Variants in DDR2 observed in about 807,000 individuals in gnomAD.
The protein encoded by DDR2 is discoidin domain receptor tyrosine kinase 2.
A neutral mutation model predicts 94.9 loss-of-function variants in DDR2; 27 were observed. The ratio of observed to expected loss-of-function variants is 0.28; its 90% CI spans 0.21 to 0.39. The LOEUF (loss-of-function observed/expected upper bound fraction) is 0.39. Ranked by LOEUF, DDR2 falls within the 10% of genes least tolerant of loss-of-function variation. The pLI, the probability that DDR2 is intolerant of heterozygous loss-of-function variation, is 1.00. For synonymous variants in DDR2, 382 were observed against 377.2 expected (o/e 1.01, Z -0.15); for missense variants, 783 against 1,076.0 (o/e 0.73, Z 3.81).
At chr1:162,648,777 C>T (rs931892653) in intron 1 of DDR2, among the ~76,000 whole-genome samples, 1 of 152,128 alleles carries the variant, frequency 6.6e-6, no homozygotes, top group Admixed American at 6.5e-5. Context: ...GTGGCAAAGG[C>T]AGCGTGGAAC....
At chr1:162,779,381 C>T (rs937036883) in intron 17 of DDR2, among the ~76,000 whole-genome samples, 15 of 152,256 alleles carry the variant, frequency 9.9e-5, no homozygotes, top group Admixed American at 7.8e-4. Flanking sequence ...AACTACAGCA[C>T]CGCACTTCCC....
intron 1 of DDR2, among the ~76,000 whole-genome samples, chr1:162,654,945 AATT>A (rs1558007842): frequency 1.3e-5 from 2 of 152,236 alleles, no homozygotes; most frequent in African/African-American, 2.4e-5. Context: ...TTTTTATAAC[AATT>A]ATTATTCAAC....
chr1:162,716,609 A>G (rs1477340972), intron 2 of DDR2, among the ~76,000 whole-genome samples: 1 of 152,094 alleles, frequency 6.6e-6, no homozygotes, highest in African/African-American at 2.4e-5. Flanking sequence ...GTTGTAGATC[A>G]CATACCCCTC....
intron 3 of DDR2, among the ~76,000 whole-genome samples, chr1:162,729,868 C>G (rs994781593): frequency 6.6e-6 from 1 of 151,732 alleles, no homozygotes; most frequent in South Asian, 2.1e-4. Context: ...CTCAGCCTCT[C>G]GAGTAGCTGG....
chr1:162,773,647 C>G (rs761574240), intron 14 of DDR2, 51 bp downstream of exon 14: 1 of 1,609,472 alleles, frequency 6.2e-7, no homozygotes, highest in African/African-American at 1.3e-5. Context: ...TCTTTAGGAC[C>G]AGGAATACTC....
intron 2 of DDR2, among the ~76,000 whole-genome samples, chr1:162,697,149 C>T (rs535273274): frequency 3.9e-5 from 6 of 152,208 alleles, no homozygotes; most frequent in African/African-American, 1.4e-4. Flanking sequence ...AACTTTTTCT[C>T]TGTTAATCTT....
chr1:162,642,645 A>T (rs1218790337), intron 1 of DDR2, among the ~76,000 whole-genome samples: 1 of 152,056 alleles, frequency 6.6e-6, no homozygotes, highest in Non-Finnish European at 1.5e-5. Flanking sequence ...AGGGTTTCAG[A>T]ATACTACCCC....
At position 162,748,222 on chromosome 1, in the gene DDR2, C is replaced by T. The variant is rs144551351; in HGVS notation, c.83-4873C>T. Among the ~76,000 whole-genome samples, 1,444 of 152,256 alleles carry T rather than the reference C, an allele frequency of 9.5e-3. 21 individuals carry two copies. Among genetic ancestry groups the T allele is most frequent in the African/African-American group, 0.033 (1,379 of 41,536 alleles). Reference sequence around the variant, plus strand: ...CAGACTGGCAAGTTGGATAAAGAGTCAAGACCCATCAGTGTGCTGTATTCA... The same window carrying T: ...CAGACTGGCAAGTTGGATAAAGAGTTAAGACCCATCAGTGTGCTGTATTCA... On this transcript the variant is annotated intron_variant, in intron 3 of 17. Coordinates refer to ENST00000367921, the MANE Select transcript of DDR2 (RefSeq NM_006182.4).
At chr1:162,653,975 T>C (rs6689095) in intron 1 of DDR2, among the ~76,000 whole-genome samples, 139,258 of 152,200 alleles carry the variant, frequency 0.91, 64,296 homozygotes, top group Middle Eastern at 0.98. Context: ...CTGAACACTG[T>C]GGCACTGTAT....
intron 2 of DDR2, among the ~76,000 whole-genome samples, chr1:162,712,776 T>A (rs976450340): frequency 6.6e-6 from 1 of 152,212 alleles, no homozygotes; most frequent in African/African-American, 2.4e-5. Context: ...TATTGGGCTG[T>A]GGTCCTAGAA....
chr1:162,727,681 G>A (rs142084314), intron 3 of DDR2, among the ~76,000 whole-genome samples: 24 of 147,648 alleles, frequency 1.6e-4, no homozygotes, highest in African/African-American at 4.9e-4. Flanking sequence ...TGGTCATGAC[G>A]ACACAACAGA....
intron 2 of DDR2, among the ~76,000 whole-genome samples, chr1:162,703,446 A>G (rs1660519379): frequency 6.6e-6 from 1 of 152,184 alleles, no homozygotes; most frequent in South Asian, 2.1e-4. Context: ...ATGGAAGATG[A>G]GAAGAGGGTG....
intron 3 of DDR2, chr1:162,741,625 A>C (rs978566737): frequency 2.0e-6 from 2 of 985,422 alleles, no homozygotes. Context: ...TACAGTCAAA[A>C]GATCCAGGAA....
intron 1 of DDR2, among the ~76,000 whole-genome samples, chr1:162,647,108 T>C (rs1376992279): frequency 1.3e-5 from 2 of 152,176 alleles, no homozygotes; most frequent in African/African-American, 2.4e-5. Context: ...TATCACTTAA[T>C]ATACTCGGTC....
rs562856701 is a variant in DDR2 at position 162,781,536 on chromosome 1, A to C, written c.*1290A>C. The C allele has an allele frequency of 6.6e-6, 1 of 152,366 alleles. No individual in the cohort carries two copies. Among genetic ancestry groups the C allele is most frequent in the African/African-American group, 2.4e-5 (1 of 41,568 alleles). 9.4% of individuals were successfully genotyped at this position (152,366 alleles called of 1,614,324 possible). A position where few individuals can be genotyped will look rare whatever the true frequency, so the allele number is the denominator to read the frequency against. On this transcript the variant is annotated 3_prime_UTR_variant, in exon 18 of 18. Coordinates refer to ENST00000367921, the MANE Select transcript of DDR2 (RefSeq NM_006182.4). The stretch of plus-strand genomic sequence containing the variant: ...ATGGAGGTTTTCAAACACAAAGTGG[A>C]TGGTGGTATGAGACAATGTTTAATG...
chr1:162,652,400 C>G (rs61810413), intron 1 of DDR2, among the ~76,000 whole-genome samples: 1 of 152,100 alleles, frequency 6.6e-6, no homozygotes, highest in African/African-American at 2.4e-5. Flanking sequence ...AAAGCAGACT[C>G]GTGCTTCTCA....
At chr1:162,668,362 G>T (rs1658680724) in intron 2 of DDR2, among the ~76,000 whole-genome samples, 1 of 152,148 alleles carries the variant, frequency 6.6e-6, no homozygotes, top group African/African-American at 2.4e-5. Flanking sequence ...TGAAGAAAAG[G>T]AATAATGGAT....
chr1:162,770,467 C>T lies in DDR2; in HGVS notation c.1459C>T (p.Leu487=). 6.2e-7 allele frequency: 1 copy of T among 1,614,106 alleles called. No homozygotes were observed. The highest frequency in any genetic ancestry group is 8.5e-7 in the Non-Finnish European group (1 of 1,180,032). Residue 487 remains leucine, a synonymous_variant, in exon 12 of 18, where the codon CTG becomes TTG. Transcript: ENST00000367921. Reference sequence around the variant, plus strand: ...CCCTGACTACCAGGAGCCATCCAGGCTGATACGAAAACTCCCAGAATTTGC... The same window carrying T: ...CCCTGACTACCAGGAGCCATCCAGGTTGATACGAAAACTCCCAGAATTTGC... The part of the protein sequence containing the change: ...LRPDYQEPSR[L]IRKLPEFAPG...
At chr1:162,639,333 A>C (rs1049205255) in intron 1 of DDR2, among the ~76,000 whole-genome samples, 1 of 152,240 alleles carries the variant, frequency 6.6e-6, no homozygotes, top group Non-Finnish European at 1.5e-5. Flanking sequence ...AGATAGACCC[A>C]TATAATGTAG....
Sources: allele counts gnomAD v4.1 joint callset (sites outside exome capture counted in the v4.1 genomes callset), GRCh38; gene constraint gnomAD v4.1.1; transcripts MANE v1.5; gene names NCBI Gene and HGNC (gene_info 2026-07-23, HGNC 2026-07-21).